GNA14: variants seen among roughly 807,000 people sequenced by gnomAD.
GNA14 encodes the protein guanine nucleotide-binding protein subunit alpha-14.
Under a neutral mutation model 42.0 loss-of-function variants are expected in GNA14, and 50 were observed. The ratio of observed to expected loss-of-function variants is 1.19; its 90% confidence interval spans 0.95 to 1.51. The LOEUF is 1.51. Among genes scored for constraint, GNA14 ranks in the 40% most tolerant of loss-of-function variants. The probability of loss-of-function intolerance (pLI) is 0.00; values close to 1 mark genes in which losing one functional copy is unlikely to be tolerated. For missense variants in GNA14, 473 were observed against 446.2 expected (o/e 1.06, Z -0.54); for synonymous variants, 173 against 163.1 (o/e 1.06, Z -0.46).
At position 77,629,119 on chromosome 9, in the gene GNA14, T is replaced by C. The variant is rs890985054; in HGVS notation, c.124+18551A>G. ...AAGGTATTTATGTGGCCAACAAACA[T>C]GTGAAAAAAAGCTCATCACCACTGG... is the stretch of plus-strand genomic sequence containing the variant. On this transcript the variant is annotated intron_variant, in intron 1 of 6. Transcript: ENST00000341700. Among the ~76,000 whole-genome samples the C allele has an allele frequency of 2.6e-5, 4 of 151,790 alleles. No homozygotes were observed. In the South Asian group the frequency reaches 8.3e-4, roughly 32 times the overall value.
chr9:77,490,866 C>T (rs547753985), intron 2 of GNA14, among the ~76,000 whole-genome samples: 8 of 152,368 alleles, frequency 5.3e-5, no homozygotes, highest in African/African-American at 1.4e-4. Flanking sequence ...CCTCAAGTGC[C>T]GCTGAAGTGG....
intron 1 of GNA14, among the ~76,000 whole-genome samples, chr9:77,531,612 G>A (rs962047222): frequency 1.3e-5 from 2 of 152,156 alleles, no homozygotes; most frequent in Non-Finnish European, 2.9e-5. Flanking sequence ...TACACATTGT[G>A]AAGCTGATGT....
At chr9:77,486,819 G>T (rs892242880) in intron 2 of GNA14, among the ~76,000 whole-genome samples, 4 of 152,044 alleles carry the variant, frequency 2.6e-5, no homozygotes. Flanking sequence ...CATGTTTGTG[G>T]TGCCCCCAAA....
At chr9:77,497,167 G>C (rs529739200) in intron 2 of GNA14, among the ~76,000 whole-genome samples, 22 of 152,316 alleles carry the variant, frequency 1.4e-4, no homozygotes, top group Admixed American at 1.4e-3. Context: ...CTCCACTGGA[G>C]TGCAGGTGGT....
At chr9:77,638,910 T>A (rs981817924) in intron 1 of GNA14, among the ~76,000 whole-genome samples, 9 of 152,186 alleles carry the variant, frequency 5.9e-5, no homozygotes, top group African/African-American at 1.9e-4. Context: ...GATACATGTG[T>A]GAAATTTTCA....
chr9:77,497,726 C>CATATTTATATACATATGT (rs1564032102), intron 2 of GNA14, among the ~76,000 whole-genome samples: 2,374 of 151,908 alleles, frequency 0.016, 60 homozygotes, highest in African/African-American at 0.054. Flanking sequence ...TATACATATG[C>CATATTTATATACATATGT]ATATACATAT....
At chr9:77,576,180 G>A (rs1035492884) in intron 1 of GNA14, among the ~76,000 whole-genome samples, 1 of 152,148 alleles carries the variant, frequency 6.6e-6, no homozygotes, top group Non-Finnish European at 1.5e-5. Flanking sequence ...CTTGTTAAGG[G>A]AGAGAGATTG....
At chr9:77,534,013 T>C (rs1444745153) in intron 1 of GNA14, among the ~76,000 whole-genome samples, 1 of 152,212 alleles carries the variant, frequency 6.6e-6, no homozygotes, top group Non-Finnish European at 1.5e-5. Flanking sequence ...CATACGCATA[T>C]GTCACCTGTG....
intron 1 of GNA14, among the ~76,000 whole-genome samples, chr9:77,585,362 A>G (rs1823287016): frequency 6.6e-6 from 1 of 152,234 alleles, no homozygotes; most frequent in African/African-American, 2.4e-5. Flanking sequence ...GGAAATTTAT[A>G]TCTACAAAGA....
chr9:77,475,095 G>A (rs1836395681), intron 2 of GNA14, among the ~76,000 whole-genome samples: 1 of 151,802 alleles, frequency 6.6e-6, no homozygotes, highest in African/African-American at 2.4e-5. Flanking sequence ...GCAGCTGTTT[G>A]TGTTGAAACA....
intron 1 of GNA14, among the ~76,000 whole-genome samples, chr9:77,560,615 C>T (rs1291586838): frequency 6.6e-6 from 1 of 152,056 alleles, no homozygotes; most frequent in Non-Finnish European, 1.5e-5. Flanking sequence ...TGTGCCTAGC[C>T]TGCTCCCCTG....
chr9:77,580,751 A>C (rs538523326), intron 1 of GNA14: 2 of 198,908 alleles, frequency 1.0e-5, no homozygotes, highest in African/African-American at 4.7e-5. Context: ...GAGTGTGCAC[A>C]GTGTGCTGCT....
At chr9:77,645,916 T>C (rs1411556048) in intron 1 of GNA14, among the ~76,000 whole-genome samples, 2 of 152,158 alleles carry the variant, frequency 1.3e-5, no homozygotes, top group Admixed American at 1.3e-4. Context: ...TAAACCCCTC[T>C]GGTTTGTGGG....
chr9:77,486,138 C>T (rs759170799), intron 2 of GNA14, among the ~76,000 whole-genome samples: 32 of 152,304 alleles, frequency 2.1e-4, no homozygotes, highest in Admixed American at 7.2e-4. Context: ...TTTGGTGTAG[C>T]CACTTTCATC....
At chr9:77,523,187 T>C (rs1163381056) in intron 2 of GNA14, among the ~76,000 whole-genome samples, 2 of 152,246 alleles carry the variant, frequency 1.3e-5, no homozygotes, top group Admixed American at 6.5e-5. Context: ...CTTGCATTGC[T>C]AAACAGAAAT....
At chr9:77,463,542 A>G (rs1836156062) in intron 2 of GNA14, among the ~76,000 whole-genome samples, 1 of 152,248 alleles carries the variant, frequency 6.6e-6, no homozygotes, top group Middle Eastern at 3.2e-3. Flanking sequence ...CTTAACCTTT[A>G]GTTTTTAACT....
chr9:77,424,486 G>A (rs556730150), intron 6 of GNA14, among the ~76,000 whole-genome samples: 1 of 152,166 alleles, frequency 6.6e-6, no homozygotes, highest in Non-Finnish European at 1.5e-5. Context: ...GCCTCCCAAA[G>A]TGCTGGGATT....
chr9:77,472,757 G>C (rs1026308212), intron 2 of GNA14, among the ~76,000 whole-genome samples: 1 of 150,762 alleles, frequency 6.6e-6, no homozygotes, highest in Non-Finnish European at 1.5e-5. Context: ...GATGGGATTA[G>C]TTTCCTTATA....
chr9:77,585,173 T>C (rs966903068), intron 1 of GNA14, among the ~76,000 whole-genome samples: 3 of 152,164 alleles, frequency 2.0e-5, no homozygotes, highest in African/African-American at 7.2e-5. Flanking sequence ...CACAGAATCT[T>C]AAAGAGGGAA....
Sources: allele counts gnomAD v4.1 joint callset (sites outside exome capture counted in the v4.1 genomes callset), GRCh38; gene constraint gnomAD v4.1.1; transcripts MANE v1.5; gene names NCBI Gene and HGNC (gene_info 2026-07-23, HGNC 2026-07-21).